NBAS: variants seen among roughly 807,000 people sequenced by gnomAD.
NBAS encodes the protein NAG/BC035112 fusion.
A neutral mutation model predicts 302.5 loss-of-function variants in NBAS; 219 were observed. That is an observed-to-expected ratio of 0.72 (90% confidence interval 0.65 to 0.81). The LOEUF (loss-of-function observed/expected upper bound fraction) is 0.81, where lower values mean the gene tolerates loss of function less well. Among genes scored for constraint, NBAS ranks in the 30% least tolerant of loss-of-function variants. The pLI, the probability that NBAS is intolerant of heterozygous loss-of-function variation, is 0.00. For missense variants in NBAS, 2,932 were observed against 2,841.6 expected (o/e 1.03, Z -0.72); for synonymous variants, 1,118 against 1,021.6 (o/e 1.09, Z -1.80).
At chr2:15,327,680 C>G (rs1672134637) in intron 38 of NBAS, 70 bp downstream of exon 38, 1 of 1,587,846 alleles carries the variant, frequency 6.3e-7, no homozygotes, top group African/African-American at 1.3e-5. Flanking sequence ...CTTGTTCATT[C>G]ACAAATTTTT....
the NBAS span, among the ~76,000 whole-genome samples, chr2:14,809,614 A>T: frequency 6.6e-6 from 1 of 152,238 alleles, no homozygotes; most frequent in Non-Finnish European, 1.5e-5. Context: ...GCCCTAATGC[A>T]GAACCTGTGC....
At chr2:15,475,520 T>G (rs148418929) in intron 14 of NBAS, among the ~76,000 whole-genome samples, 167 bp downstream of exon 14, 1 of 152,322 alleles carries the variant, frequency 6.6e-6, no homozygotes, top group Admixed American at 6.5e-5. Context: ...TTGCAAATTT[T>G]TTTATTCACT....
intron 16 of NBAS, among the ~76,000 whole-genome samples, chr2:15,471,498 G>A (rs1362460184): frequency 6.6e-6 from 1 of 152,106 alleles, no homozygotes; most frequent in Non-Finnish European, 1.5e-5. Context: ...CTTCCACAAT[G>A]CAAAGGTATT....
At chr2:15,481,584 C>T (rs926138762) in intron 12 of NBAS, among the ~76,000 whole-genome samples, 2 of 151,758 alleles carry the variant, frequency 1.3e-5, no homozygotes, top group Non-Finnish European at 2.9e-5. Flanking sequence ...GCTCAGAACA[C>T]AATACCCCAA....
intron 47 of NBAS, among the ~76,000 whole-genome samples, chr2:15,222,552 A>G (rs1486997391): frequency 2.6e-5 from 4 of 152,230 alleles, no homozygotes; most frequent in Admixed American, 6.5e-5. Context: ...ACCATGAATT[A>G]TATCACTTCA....
At chr2:15,525,681 T>G (rs929685806) in intron 9 of NBAS, among the ~76,000 whole-genome samples, 1 of 152,212 alleles carries the variant, frequency 6.6e-6, no homozygotes, top group South Asian at 2.1e-4. Context: ...CTTTTGACTT[T>G]GTTGAAATGT....
intron 44 of NBAS, among the ~76,000 whole-genome samples, chr2:15,269,767 T>C (rs926819915): frequency 7.9e-5 from 12 of 152,382 alleles, no homozygotes; most frequent in Middle Eastern, 3.4e-3. Context: ...AAGTGCAACC[T>C]AGACCAACAG....
the NBAS span, among the ~76,000 whole-genome samples, chr2:15,042,191 C>A: frequency 3.3e-5 from 5 of 152,192 alleles, no homozygotes; most frequent in Non-Finnish European, 5.9e-5. Context: ...TGGCCAGTGG[C>A]CTTTCCCCTC....
chr2:15,187,906 C>A (rs958549661), intron 49 of NBAS, among the ~76,000 whole-genome samples: 2 of 152,156 alleles, frequency 1.3e-5, no homozygotes, highest in African/African-American at 4.8e-5. Context: ...ACAATCTGTG[C>A]GAACAAAGAA....
At chr2:15,043,037 A>G in the NBAS span, among the ~76,000 whole-genome samples, 1 of 152,218 alleles carries the variant, frequency 6.6e-6, no homozygotes, top group South Asian at 2.1e-4. Context: ...AGTAGGTCAC[A>G]TTTGGTTCAT....
intron 10 of NBAS, among the ~76,000 whole-genome samples, chr2:15,506,956 T>G (rs1340548432): frequency 6.6e-6 from 1 of 152,008 alleles, no homozygotes; most frequent in Non-Finnish European, 1.5e-5. Context: ...TCCATTCGAG[T>G]GAATTCAAGA....
the NBAS span, among the ~76,000 whole-genome samples, chr2:14,874,363 A>G: frequency 6.6e-6 from 1 of 152,032 alleles, no homozygotes; most frequent in South Asian, 2.1e-4. Context: ...ACGGTGGCTC[A>G]CGCCTGTAAT....
chr2:15,128,744 T>C, the NBAS span, among the ~76,000 whole-genome samples: 26 of 152,150 alleles, frequency 1.7e-4, no homozygotes, highest in Middle Eastern at 3.4e-3. Context: ...GGGGACACAT[T>C]GGAGAGGACT....
At chr2:15,527,415 TCA>T (rs1401006774) in intron 9 of NBAS, among the ~76,000 whole-genome samples, 2 of 152,204 alleles carry the variant, frequency 1.3e-5, no homozygotes, top group Non-Finnish European at 2.9e-5. Flanking sequence ...ACCTATTTTC[TCA>T]CAGTTCTGAA....
At chr2:14,809,849 G>C in the NBAS span, among the ~76,000 whole-genome samples, 1 of 152,198 alleles carries the variant, frequency 6.6e-6, no homozygotes, top group African/African-American at 2.4e-5. Context: ...AGCCACAGGG[G>C]TGGAGCTGCC....
At chr2:15,448,625 T>C (rs1172528516) in intron 21 of NBAS, among the ~76,000 whole-genome samples, 1 of 152,224 alleles carries the variant, frequency 6.6e-6, no homozygotes, top group Non-Finnish European at 1.5e-5. Flanking sequence ...CATGGATTTT[T>C]TTTCACAGTT....
the NBAS span, among the ~76,000 whole-genome samples, chr2:15,000,966 A>C: frequency 1.3e-5 from 2 of 152,208 alleles, no homozygotes; most frequent in Non-Finnish European, 2.9e-5. Flanking sequence ...CACACCACAC[A>C]GCCAGTACAT....
At chr2:15,544,089 G>C (rs1419680707) in intron 6 of NBAS, among the ~76,000 whole-genome samples, 3 of 152,164 alleles carry the variant, frequency 2.0e-5, no homozygotes, top group Admixed American at 6.5e-5. Context: ...ACCTGGGTAT[G>C]ACCCTGGGTA....
At chr2:15,547,797 A>T (rs1284356273) in intron 6 of NBAS, among the ~76,000 whole-genome samples, 1 of 152,180 alleles carries the variant, frequency 6.6e-6, no homozygotes, top group East Asian at 1.9e-4. Context: ...TGACCTTTAC[A>T]TATTATTTAA....
Sources: gnomAD v4.1 joint callset for allele counts (sites outside exome capture counted in the v4.1 genomes callset) on GRCh38, gnomAD v4.1.1 for gene constraint, MANE v1.5 for transcripts, NCBI Gene and HGNC (gene_info 2026-07-23, HGNC 2026-07-21) for gene names.